MKLN1: variants seen among roughly 807,000 people sequenced by gnomAD.
The protein encoded by MKLN1 is muskelin.
Under a neutral mutation model 99.0 loss-of-function variants are expected in MKLN1, and 18 were observed. The observed-to-expected ratio is 0.18, with a 90% CI of 0.13 to 0.27. The LOEUF (loss-of-function observed/expected upper bound fraction) is 0.27, where lower values mean the gene tolerates loss of function less well. Among genes scored for constraint, MKLN1 ranks in the 10% least tolerant of loss-of-function variants. MKLN1 has a pLI of 1.00. For missense variants in MKLN1, 621 were observed against 875.9 expected (o/e 0.71, Z 3.67); for synonymous variants, 288 against 293.2 (o/e 0.98, Z 0.18).
rs1308996867 is a variant in MKLN1, at chr7:131,192,204, A to AT, written c.-296-10653_-296-10652insT. On this transcript the variant is annotated intron_variant, in intron 2 of 7. Coordinates refer to the MKLN1 transcript ENST00000416992. ...AAAATATATAAAATATAATATATAC[A>AT]ATATATAAATATATAAAATATATAC... Among the ~76,000 whole-genome samples the AT allele has an allele frequency of 6.2e-4, 42 of 67,820 alleles. 6 individuals carry two copies. Among genetic ancestry groups the AT allele is most frequent in the African/African-American group, 2.8e-3 (40 of 14,522 alleles). 44.5% of individuals were successfully genotyped at this position (67,820 alleles called of 152,430 possible).
chr7:131,248,295 T>G (rs1190566985), intron 3 of MKLN1, among the ~76,000 whole-genome samples: 4 of 152,236 alleles, frequency 2.6e-5, no homozygotes, highest in Non-Finnish European at 5.9e-5. Flanking sequence ...TATTTGTTTT[T>G]TAATAGAGTC....
intron 2 of MKLN1, among the ~76,000 whole-genome samples, chr7:131,168,073 G>A (rs1796151629): frequency 6.6e-6 from 1 of 152,072 alleles, no homozygotes; most frequent in Non-Finnish European, 1.5e-5. Context: ...TCTGTATTTA[G>A]GTTATATCCT....
chr7:131,249,325 G>A (rs144795300), intron 3 of MKLN1, among the ~76,000 whole-genome samples: 86 of 152,346 alleles, frequency 5.6e-4, no homozygotes, highest in African/African-American at 2.0e-3. Context: ...CCTCCAGGAT[G>A]GAGGCCAGCA....
intron 2 of MKLN1, among the ~76,000 whole-genome samples, chr7:131,196,973 G>A (rs776654143): frequency 6.6e-6 from 1 of 152,114 alleles, no homozygotes; most frequent in Non-Finnish European, 1.5e-5. Flanking sequence ...ATTAGCTGGA[G>A]CTCATTGTGT....
At chr7:131,275,300 G>C (rs191929147) in intron 3 of MKLN1, among the ~76,000 whole-genome samples, 107 of 149,518 alleles carry the variant, frequency 7.2e-4, no homozygotes, top group South Asian at 3.4e-3. Flanking sequence ...CTCATGACCT[G>C]ATCACCTCCC....
At chr7:131,206,040 G>T (rs946900443) in intron 3 of MKLN1, among the ~76,000 whole-genome samples, 2 of 151,714 alleles carry the variant, frequency 1.3e-5, no homozygotes, top group Non-Finnish European at 2.9e-5. Context: ...ACTACAGGTG[G>T]GTGCCACCAT....
chr7:131,439,694 AC>A (rs1364807825), intron 10 of MKLN1, among the ~76,000 whole-genome samples: 2 of 152,220 alleles, frequency 1.3e-5, no homozygotes, highest in African/African-American at 4.8e-5. Flanking sequence ...GCTATACGAT[AC>A]AAACATGCTT....
At chr7:131,462,622 A>G (rs1796548791) in intron 12 of MKLN1, among the ~76,000 whole-genome samples, 1 of 152,090 alleles carries the variant, frequency 6.6e-6, no homozygotes, top group African/African-American at 2.4e-5. Context: ...CTTTCCACAA[A>G]TCATTTAGTA....
chr7:131,478,547 T>C (rs1317835046), intron 16 of MKLN1, 76 bp from the exon 17 acceptor site: 4 of 1,399,608 alleles, frequency 2.9e-6, no homozygotes, highest in South Asian at 1.6e-5. Flanking sequence ...GTCAAAGTTA[T>C]AGAAGGCTAT....
rs541944015 is a variant in MKLN1, at chr7:131,374,160, A to G, written c.99-1264A>G. Among the ~76,000 whole-genome samples, 8 of 152,104 alleles carry G rather than the reference A, an allele frequency of 5.3e-5. No individual in the cohort carries two copies. The South Asian group carries it at 1.7e-3, about 32-fold the overall frequency. ...AAAAACACTTTTTTTCTTGTGTAAG[A>G]TGCTCTAGGTTAATCTTCTGTATTC... On this transcript the variant is annotated intron_variant, in intron 1 of 17. Transcript: ENST00000352689.
At chr7:131,456,875 C>T (rs1796356996) in intron 12 of MKLN1, among the ~76,000 whole-genome samples, 3 of 151,996 alleles carry the variant, frequency 2.0e-5, no homozygotes, top group Admixed American at 2.0e-4. Context: ...GAGCTGATTC[C>T]CTGAAAAACA....
At chr7:131,205,222 C>T (rs771444184) in intron 3 of MKLN1, among the ~76,000 whole-genome samples, 6 of 152,098 alleles carry the variant, frequency 3.9e-5, no homozygotes, top group Non-Finnish European at 5.9e-5. Context: ...TGCAATGAAT[C>T]GGAGAAAACA....
intron 3 of MKLN1, among the ~76,000 whole-genome samples, chr7:131,293,948 G>T (rs1798255809): frequency 6.6e-6 from 1 of 151,900 alleles, no homozygotes; most frequent in South Asian, 2.1e-4. Flanking sequence ...TGTTGTAGGG[G>T]GCTGTCCTGT....
chr7:131,300,385 T>G (rs956459421), intron 3 of MKLN1, among the ~76,000 whole-genome samples: 1 of 151,792 alleles, frequency 6.6e-6, no homozygotes, highest in Non-Finnish European at 1.5e-5. Flanking sequence ...TGTTTGTTTT[T>G]AAGATCAATG....
chr7:131,312,528 T>C (rs1798585269), intron 3 of MKLN1, among the ~76,000 whole-genome samples: 1 of 152,200 alleles, frequency 6.6e-6, no homozygotes, highest in Non-Finnish European at 1.5e-5. Flanking sequence ...TTTCATGAGA[T>C]TAATCTTATA....
chr7:131,136,787 C>T (rs531233330), intron 1 of MKLN1, among the ~76,000 whole-genome samples: 1 of 152,300 alleles, frequency 6.6e-6, no homozygotes, highest in Admixed American at 6.5e-5. Context: ...TTCCCTGGAA[C>T]ACCCAAATGC....
chr7:131,192,535 A>T (rs1343674143), intron 2 of MKLN1, among the ~76,000 whole-genome samples: 4 of 141,210 alleles, frequency 2.8e-5, no homozygotes, highest in Admixed American at 7.5e-5. Context: ...CATATATATA[A>T]ATATATATAT....
intron 1 of MKLN1, among the ~76,000 whole-genome samples, chr7:131,351,916 C>A (rs1799731401): frequency 1.3e-5 from 2 of 152,168 alleles, no homozygotes; most frequent in South Asian, 4.1e-4. Flanking sequence ...GGATTTCTCT[C>A]ATCTTACCAT....
intron 2 of MKLN1, among the ~76,000 whole-genome samples, chr7:131,166,113 A>G (rs990970892): frequency 1.3e-5 from 2 of 152,098 alleles, no homozygotes; most frequent in African/African-American, 4.8e-5. Flanking sequence ...TCAAAAAAAA[A>G]AGAAAATGAT....
Sources: gnomAD v4.1 joint callset for allele counts (sites outside exome capture counted in the v4.1 genomes callset) on GRCh38, gnomAD v4.1.1 for gene constraint, MANE v1.5 for transcripts, NCBI Gene and HGNC (gene_info 2026-07-23, HGNC 2026-07-21) for gene names.